IHO1: variants seen among roughly 807,000 people sequenced by gnomAD.
IHO1 encodes the protein interactor of HORMAD1 1, also known as interactor of HORMAD1 protein 1.
A neutral mutation model predicts 31.0 loss-of-function variants in IHO1; 13 were observed. That is an observed-to-expected ratio of 0.42 (90% CI 0.27 to 0.67). The LOEUF (loss-of-function observed/expected upper bound fraction) is 0.67. Among genes scored for constraint, IHO1 ranks in the 30% least tolerant of loss-of-function variants. IHO1 has a pLI of 0.24. For synonymous variants in IHO1, 221 were observed against 248.4 expected (o/e 0.89, Z 1.04); for missense variants, 599 against 687.5 (o/e 0.87, Z 1.44).
chr3:49,239,115 G>T (rs2046594976), intron 3 of IHO1, among the ~76,000 whole-genome samples: 1 of 152,064 alleles, frequency 6.6e-6, no homozygotes, highest in African/African-American at 2.4e-5. Context: ...GGGATTATAG[G>T]CGCCTGCCCC....
intron 6 of IHO1, among the ~76,000 whole-genome samples, chr3:49,247,632 TAAAC>T (rs1207103184): frequency 2.7e-5 from 4 of 150,900 alleles, no homozygotes; most frequent in South Asian, 4.2e-4. Flanking sequence ...CTACAAAAAA[TAAAC>T]AAAACCAGCA....
chr3:49,228,136 C>CAGGATAGAT (rs2046437617), intron 2 of IHO1, among the ~76,000 whole-genome samples: 1 of 152,104 alleles, frequency 6.6e-6, no homozygotes. Context: ...AGGCAAGTGT[C>CAGGATAGAT]AGGATAGATA....
intron 2 of IHO1, among the ~76,000 whole-genome samples, chr3:49,225,462 C>CAAAA: frequency 7.7e-6 from 1 of 130,212 alleles, no homozygotes; most frequent in South Asian, 2.4e-4. Flanking sequence ...GACTCCGTCT[C>CAAAA]AAAAAAAAAA....
rs1457662225 is a variant in IHO1 at position 49,256,891 on chromosome 3, C to CA, written c.1396dup (p.Ile466AsnfsTer5). On this transcript the variant is annotated frameshift_variant, in exon 8 of 8. Coordinates refer to ENST00000452691, the MANE Select transcript of IHO1 (RefSeq NM_001135197.2). LOFTEE classifies it low-confidence loss of function (END_TRUNC). This position sits in a 1 kb window ranked among gnomAD's most constrained non-coding sequence, Gnocchi z 4.6. The stretch of plus-strand genomic sequence containing the variant: ...ATAGCCAGCAAGCAAAAACAAATCC[C>CA]AATCCAGACCTGTAAATTCAATTCC... 6.2e-7 allele frequency: 1 copy of CA among 1,614,232 alleles called. No homozygotes were observed. The highest frequency in any genetic ancestry group is 1.7e-5 in the Admixed American group (1 of 60,028).
intron 6 of IHO1, among the ~76,000 whole-genome samples, chr3:49,250,770 G>A (rs540109607): frequency 2.0e-5 from 3 of 152,168 alleles, no homozygotes; most frequent in South Asian, 2.1e-4. Flanking sequence ...AGCAGCTCAC[G>A]CCTGTAATCC....
Position 49,241,262 on chromosome 3 carries a change from C to A in IHO1, c.268C>A (p.Pro90Thr), listed in dbSNP as rs1452386037. 2.5e-6 allele frequency: 4 copies of A among 1,612,736 alleles called. No individual in the cohort carries two copies. The highest frequency in any genetic ancestry group is 3.4e-6 in the Non-Finnish European group (4 of 1,179,546). ...CATTTTCACAAAGTACCAGACAAAG[C>A]CCCAGCTGTTCGGAGGAGATATAAA... ...PSIFTKYQTKPQLFGGDIKDG... is the reference protein window; with the variant it reads ...PSIFTKYQTKTQLFGGDIKDG... Residue 90 changes from proline (P) to threonine (T), a missense_variant, in exon 4 of 8, where the codon CCC becomes ACC. Pro to Thr is a conservative substitution (Grantham distance 38). Coordinates refer to ENST00000452691, the MANE Select transcript of IHO1 (RefSeq NM_001135197.2).
chr3:49,207,172 T>TA (rs1465477060), intron 1 of IHO1, among the ~76,000 whole-genome samples: 19 of 151,912 alleles, frequency 1.3e-4, no homozygotes, highest in Admixed American at 1.1e-3. Context: ...GTTATATTAT[T>TA]ACCTTGTTTC....
intron 2 of IHO1, among the ~76,000 whole-genome samples, chr3:49,230,348 C>G (rs1252883522): frequency 6.6e-6 from 1 of 152,186 alleles, no homozygotes; most frequent in Non-Finnish European, 1.5e-5. Context: ...TTCCGAAAAA[C>G]TGGCCTTTAA....
chr3:49,191,869 A>C, the IHO1 span: 3 of 1,186,910 alleles, frequency 2.5e-6, no homozygotes, highest in Admixed American at 4.0e-5. Context: ...TTTGTTGCTT[A>C]GTGACAAGGG....
chr3:49,246,011 A>G (rs1004577843), intron 6 of IHO1, among the ~76,000 whole-genome samples: 3 of 151,312 alleles, frequency 2.0e-5, no homozygotes, highest in African/African-American at 7.3e-5. Context: ...GTGAAACCCC[A>G]TCTCTACTAA....
intron 4 of IHO1, 46 bp downstream of exon 4, chr3:49,241,435 T>C: frequency 6.5e-7 from 1 of 1,528,530 alleles, no homozygotes. Context: ...CTTTTCTGAG[T>C]AAAACAAGAC....
chr3:49,256,037 G>T lies in IHO1; in HGVS notation c.637-97G>T. On this transcript the variant is annotated intron_variant, in intron 7 of 7. Coordinates refer to ENST00000452691, the MANE Select transcript of IHO1 (RefSeq NM_001135197.2). The surrounding 1 kb of genome is among the most constrained non-coding windows in gnomAD (Gnocchi z 4.6). ...AGGTTCCCTACAAGGAGCAAGCCTT[G>T]GTTCTGCTGTCACATCCATTGGTCT... The T allele has an allele frequency of 9.3e-7, 1 of 1,071,794 alleles. No homozygotes were observed. The highest frequency in any genetic ancestry group is 2.3e-5 in the Admixed American group (1 of 44,048). 66.4% of individuals were successfully genotyped at this position (1,071,794 alleles called of 1,614,324 possible).
At chr3:49,227,403 T>C (rs529186750) in intron 2 of IHO1, among the ~76,000 whole-genome samples, 19 of 152,096 alleles carry the variant, frequency 1.2e-4, no homozygotes, top group African/African-American at 4.1e-4. Flanking sequence ...ATGGTTTTGG[T>C]TTGTTTGTTT....
intron 1 of IHO1, chr3:49,200,497 AAG>A (rs1373603265): frequency 1.2e-6 from 1 of 800,890 alleles, no homozygotes; most frequent in Non-Finnish European, 1.5e-6. Flanking sequence ...GAAAGAAAGA[AAG>A]AAAGAAAGAA....
chr3:49,247,679 C>T lies in IHO1; in HGVS notation c.532+2946C>T, dbSNP rs917924873. The stretch of plus-strand genomic sequence containing the variant: ...GGACATATGCCTGTAGTCCCAGGTA[C>T]TAGGGAGGGTGAGGTGGGAGGATCG... On this transcript the variant is annotated intron_variant, in intron 6 of 7. Coordinates refer to ENST00000452691, the MANE Select transcript of IHO1 (RefSeq NM_001135197.2). 5.3e-5 allele frequency among the ~76,000 whole-genome samples: 8 copies of T among 151,968 alleles called. No individual in the cohort carries two copies. In the South Asian group the frequency reaches 1.5e-3, roughly 28 times the overall value.
chr3:49,254,219 A>G (rs1289996790), intron 6 of IHO1, among the ~76,000 whole-genome samples: 1 of 152,212 alleles, frequency 6.6e-6, no homozygotes, highest in African/African-American at 2.4e-5. Context: ...TAAATATAAA[A>G]GCATCTTCAT....
chr3:49,221,354 G>A (rs1274649369), intron 2 of IHO1, among the ~76,000 whole-genome samples: 4 of 152,042 alleles, frequency 2.6e-5, no homozygotes, highest in African/African-American at 9.7e-5. Context: ...TACACATAGT[G>A]CTGATTGGTG....
At chr3:49,226,382 CAG>C (rs1450179442) in intron 2 of IHO1, among the ~76,000 whole-genome samples, 1 of 152,110 alleles carries the variant, frequency 6.6e-6, no homozygotes, top group Non-Finnish European at 1.5e-5. Flanking sequence ...AGTCAGGTGA[CAG>C]GGGAGTATAT....
intron 1 of IHO1, among the ~76,000 whole-genome samples, chr3:49,207,642 C>T (rs1408883507): frequency 6.6e-6 from 1 of 152,106 alleles, no homozygotes; most frequent in African/African-American, 2.4e-5. Context: ...CTTAGTCTGC[C>T]ATTATTCAAA....
Sources: allele counts gnomAD v4.1 joint callset (sites outside exome capture counted in the v4.1 genomes callset), GRCh38; gene constraint gnomAD v4.1.1; non-coding constraint Gnocchi (gnomAD v3.1); transcripts MANE v1.5; gene names NCBI Gene and HGNC (gene_info 2026-07-23, HGNC 2026-07-21).